C14orf93: variants seen among roughly 807,000 people sequenced by gnomAD.
The protein encoded by C14orf93 is uncharacterized protein C14orf93.
In C14orf93, 23 loss-of-function variants were observed where a neutral mutation model predicts 44.0. The observed-to-expected ratio is 0.52, with a 90% CI of 0.38 to 0.74. The LOEUF (loss-of-function observed/expected upper bound fraction) is 0.74. Among genes scored for constraint, C14orf93 ranks in the 30% least tolerant of loss-of-function variants. The pLI, the probability that C14orf93 is intolerant of heterozygous loss-of-function variation, is 0.00. For missense variants in C14orf93, 579 were observed against 678.9 expected, an observed-to-expected ratio of 0.85 and a Z score of 1.64; for synonymous variants, 253 against 265.7, an observed-to-expected ratio of 0.95 and a Z score of 0.46.
intron 1 of C14orf93, chr14:23,002,579 G>A (rs776066088): frequency 6.6e-6 from 1 of 152,020 alleles, no homozygotes; most frequent in Non-Finnish European, 1.5e-5. Context: ...AGTGGTTTTT[G>A]TGAAGATTAT....
chr14:23,002,407 A>C (rs2046356637), intron 1 of C14orf93, among the ~76,000 whole-genome samples: 2 of 147,176 alleles, frequency 1.4e-5, no homozygotes, highest in South Asian at 4.3e-4. Flanking sequence ...AGCCGAGATC[A>C]CGCCACTGCA....
At chr14:23,007,548 C>G (rs1422911389) in intron 1 of C14orf93, among the ~76,000 whole-genome samples, 1 of 152,164 alleles carries the variant, frequency 6.6e-6, no homozygotes, top group South Asian at 2.1e-4. Flanking sequence ...GTTTCCAATA[C>G]TAGGGGCCCC....
rs199579220 is a variant in C14orf93 at position 22,987,480 on chromosome 14, C to T, written c.1352G>A (p.Arg451His). 6.8e-6 allele frequency: 11 copies of T among 1,614,108 alleles called. No individual in the cohort carries two copies. Among genetic ancestry groups the T allele is most frequent in the South Asian group, 2.2e-5 (2 of 91,090 alleles). The change falls in exon 7 of 7, where the codon CGC (arginine) becomes CAC (histidine). Residue 451 changes from arginine to histidine, a missense_variant. Coordinates refer to ENST00000299088, the MANE Select transcript of C14orf93 (RefSeq NM_021944.4). This position sits in a 1 kb window ranked among gnomAD's most constrained non-coding sequence, Gnocchi z 5.6. The stretch of plus-strand genomic sequence containing the variant: ...CAGGTGGTAGCAGAGCTCTGTGAGG[C>T]GCTGGGCCCGGAAACGGGGAGGGCG... The part of the protein sequence containing the change: ...VARPPRFRAQ[R>H]LTELCYHLDA...
Position 22,987,280 on chromosome 14 carries a change from G to T in C14orf93, c.1552C>A (p.Pro518Thr), listed in dbSNP as rs769584408. ...NAPGSPSFDQ[P>T]HKTCCPDLNS... ...AAGTCAGGACAGCAGGTTTTGTGGG[G>T]TTGGTCAAAAGATGGGGAGCCAGGT... The change falls in exon 7 of 7, where the codon CCC becomes ACC. Residue 518 changes from proline (P) to threonine (T), a missense_variant. Physicochemically the swap from Pro to Thr is conservative, Grantham distance 38. Coordinates refer to ENST00000299088, the MANE Select transcript of C14orf93 (RefSeq NM_021944.4). The surrounding 1 kb of genome is among the most constrained non-coding windows in gnomAD (Gnocchi z 5.6). 1.9e-6 allele frequency: 3 copies of T among 1,614,262 alleles called. No homozygotes were observed. In the Admixed American group the frequency reaches 5.0e-5, roughly 27 times the overall value.
intron 1 of C14orf93, among the ~76,000 whole-genome samples, chr14:23,009,240 T>A (rs2046771953): frequency 6.6e-6 from 1 of 152,196 alleles, no homozygotes; most frequent in Non-Finnish European, 1.5e-5. Context: ...TAAATGCACA[T>A]AGAAAGTGCC....
chr14:22,990,530 C>T (rs1296921096), intron 3 of C14orf93, among the ~76,000 whole-genome samples: 2 of 151,028 alleles, frequency 1.3e-5, no homozygotes, highest in African/African-American at 2.4e-5. Flanking sequence ...AGTGCAGTGG[C>T]GCGATCTCGG....
chr14:22,987,621 C>G lies in C14orf93; in HGVS notation c.1211G>C (p.Arg404Pro). ...TCCAAAATGCCTCATGATACTGGAT[C>G]GGTTGGCAAAAAGCTAAGGCAGGAA... Reference protein sequence around the residue: ...RSRRYRLFANRSSIMRHFGPE... With the variant: ...RSRRYRLFANPSSIMRHFGPE... Residue 404 changes from arginine (R) to proline (P), a missense_variant, in exon 7 of 7, where the codon CGA becomes CCA. By Grantham distance (103) the Arg-to-Pro change is moderately radical. Transcript: ENST00000299088. The surrounding 1 kb of genome is among the most constrained non-coding windows in gnomAD (Gnocchi z 5.6). The G allele has an allele frequency of 6.3e-7, 1 of 1,588,786 alleles. No homozygotes were observed. Among genetic ancestry groups the G allele is most frequent in the East Asian group, 2.2e-5 (1 of 44,624 alleles).
At chr14:22,988,732 C>A (rs1256118360) in intron 5 of C14orf93, among the ~76,000 whole-genome samples, 1 of 152,104 alleles carries the variant, frequency 6.6e-6, no homozygotes, top group Non-Finnish European at 1.5e-5. Context: ...ATATCTCCCA[C>A]TGGAAAAAGA....
intron 1 of C14orf93, among the ~76,000 whole-genome samples, chr14:23,004,197 C>T (rs191335707): frequency 1.4e-5 from 2 of 140,614 alleles, no homozygotes; most frequent in African/African-American, 2.7e-5. Context: ...CGTGAGCCAT[C>T]GTTCCCGGCC....
chr14:22,989,960 T>C (rs2045492263), intron 4 of C14orf93, 106 bp downstream of exon 4: 1 of 1,408,350 alleles, frequency 7.1e-7, no homozygotes, highest in East Asian at 2.3e-5. Flanking sequence ...TAAGAAGGTA[T>C]GGTGAGATCA....
chr14:22,991,334 C>T (rs1475770368), intron 3 of C14orf93, among the ~76,000 whole-genome samples: 1 of 151,614 alleles, frequency 6.6e-6, no homozygotes, highest in African/African-American at 2.4e-5. Flanking sequence ...TCCTCCGCCT[C>T]CCGGGTTCAA....
rs1004740814 is a variant in C14orf93 at position 22,987,479 on chromosome 14, G to A, written c.1353C>T (p.Arg451=). The A allele has an allele frequency of 4.3e-6, 7 of 1,614,250 alleles. No homozygotes were observed. Among genetic ancestry groups the A allele is most frequent in the Non-Finnish European group, 5.9e-6 (7 of 1,180,046 alleles). ...CCAGGTGGTAGCAGAGCTCTGTGAG[G>A]CGCTGGGCCCGGAAACGGGGAGGGC... ...VARPPRFRAQ[R]LTELCYHLDA... is the part of the protein sequence containing the mutation. Residue 451 remains arginine (R), a synonymous_variant, in exon 7 of 7, where the codon CGC becomes CGT. Coordinates refer to ENST00000299088, the MANE Select transcript of C14orf93 (RefSeq NM_021944.4). The surrounding 1 kb of genome is among the most constrained non-coding windows in gnomAD (Gnocchi z 5.6).
intron 1 of C14orf93, chr14:23,002,613 T>C (rs1477113164): frequency 2.0e-5 from 3 of 152,220 alleles, no homozygotes; most frequent in Admixed American, 6.5e-5. Flanking sequence ...AAGGCACCTA[T>C]AGAGTGCTGG....
chr14:23,007,962 G>A (rs1276675911), intron 1 of C14orf93, among the ~76,000 whole-genome samples: 1 of 152,042 alleles, frequency 6.6e-6, no homozygotes, highest in East Asian at 1.9e-4. Context: ...AGACCAGCCT[G>A]ACCAACATGG....
Position 22,987,279 on chromosome 14 carries a change from G to T in C14orf93, c.1553C>A (p.Pro518His). ...NAPGSPSFDQ[P>H]HKTCCPDLNS... ...CAAGTCAGGACAGCAGGTTTTGTGG[G>T]GTTGGTCAAAAGATGGGGAGCCAGG... Residue 518 changes from proline to histidine, a missense_variant, in exon 7 of 7, where the codon CCC (proline) becomes CAC (histidine). Physicochemically the swap from Pro to His is moderately conservative, Grantham distance 77. Coordinates refer to ENST00000299088, the MANE Select transcript of C14orf93 (RefSeq NM_021944.4). The surrounding 1 kb of genome is among the most constrained non-coding windows in gnomAD (Gnocchi z 5.6). 1.9e-6 allele frequency: 3 copies of T among 1,614,236 alleles called. No individual in the cohort carries two copies. Among genetic ancestry groups the T allele is most frequent in the African/African-American group, 1.3e-5 (1 of 75,068 alleles).
rs200829885 is a variant in C14orf93 at position 22,996,983 on chromosome 14, G to GCACACACA, written c.598-723_598-716dup. ...TGAAAGTGGGGACACACACGCACAC[G>GCACACACA]CACACACACACACACACACACACAC... On this transcript the variant is annotated intron_variant, in intron 2 of 6. Transcript: ENST00000299088. The surrounding 1 kb of genome is among the most constrained non-coding windows in gnomAD (Gnocchi z 4.1). Among the ~76,000 whole-genome samples, 19 of 62,534 alleles carry GCACACACA rather than the reference G, an allele frequency of 3.0e-4. No individual in the cohort carries two copies. The highest frequency in any genetic ancestry group is 8.7e-4 in the African/African-American group (18 of 20,742). The allele number at this position is 62,534 out of a possible 152,430, so 41.0% of individuals were successfully genotyped here.
intron 3 of C14orf93, among the ~76,000 whole-genome samples, chr14:22,992,795 G>A (rs1425439548): frequency 6.6e-6 from 1 of 152,000 alleles, no homozygotes; most frequent in Non-Finnish European, 1.5e-5. Flanking sequence ...ATGTTGGCCA[G>A]GCTGGTCTTG....
intron 1 of C14orf93, among the ~76,000 whole-genome samples, chr14:23,007,910 T>G (rs906269431): frequency 1.3e-5 from 2 of 151,956 alleles, no homozygotes; most frequent in Admixed American, 6.6e-5. Context: ...CCCAGCACTT[T>G]GAGAGGCAGA....
At chr14:22,995,191 C>T (rs2043934349) in intron 3 of C14orf93, among the ~76,000 whole-genome samples, 1 of 152,242 alleles carries the variant, frequency 6.6e-6, no homozygotes, top group Admixed American at 6.5e-5. Context: ...ACCTCTATAA[C>T]TGAGCTGAAG....
Sources: allele counts gnomAD v4.1 joint callset (sites outside exome capture counted in the v4.1 genomes callset), GRCh38; gene constraint gnomAD v4.1.1; non-coding constraint Gnocchi (gnomAD v3.1); transcripts MANE v1.5; gene names NCBI Gene and HGNC (gene_info 2026-07-23, HGNC 2026-07-21).